GRIN2B: variants seen among roughly 807,000 people sequenced by gnomAD.
The protein encoded by GRIN2B is glutamate receptor ionotropic, NMDA 2B.
Under a neutral mutation model 114.5 loss-of-function variants are expected in GRIN2B, and 5 were observed. That is an observed-to-expected ratio of 0.04 (90% CI 0.02 to 0.09). GRIN2B has a LOEUF of 0.09. Ranked by LOEUF, GRIN2B falls within the 10% of genes least tolerant of loss-of-function variation. The pLI is 1.00. For missense variants in GRIN2B, 1,108 were observed against 1,943.5 expected (o/e 0.57, Z 8.08); for synonymous variants, 787 against 745.1 (o/e 1.06, Z -0.92).
intron 2 of GRIN2B, among the ~76,000 whole-genome samples, chr12:13,899,686 C>T (rs1866411229): frequency 6.9e-6 from 1 of 144,068 alleles, no homozygotes; most frequent in Non-Finnish European, 1.6e-5. Flanking sequence ...CTATCCACTT[C>T]CTGTTAGCTA....
intron 3 of GRIN2B, among the ~76,000 whole-genome samples, chr12:13,778,641 A>G (rs1864049814): frequency 6.6e-6 from 1 of 152,224 alleles, no homozygotes; most frequent in Non-Finnish European, 1.5e-5. Flanking sequence ...ATGAGTGCTT[A>G]CCAGCTAAAC....
intron 2 of GRIN2B, among the ~76,000 whole-genome samples, chr12:13,902,763 A>G (rs1393991356): frequency 2.0e-5 from 3 of 152,150 alleles, no homozygotes; most frequent in African/African-American, 7.2e-5. Context: ...GTGAGCTGAG[A>G]TCAGCCATTG....
At chr12:13,842,410 C>T (rs1055226352) in intron 3 of GRIN2B, among the ~76,000 whole-genome samples, 10 of 152,150 alleles carry the variant, frequency 6.6e-5, no homozygotes, top group East Asian at 1.9e-4. Flanking sequence ...AGCTCACTGC[C>T]GCAAACTTTT....
At chr12:13,595,250 C>T (rs938315115) in intron 10 of GRIN2B, among the ~76,000 whole-genome samples, 1 of 152,130 alleles carries the variant, frequency 6.6e-6, no homozygotes, top group African/African-American at 2.4e-5. Context: ...GATGTGAGGT[C>T]TTAGTGTCCA....
At chr12:13,719,697 T>C (rs747100057) in intron 4 of GRIN2B, among the ~76,000 whole-genome samples, 8 of 152,226 alleles carry the variant, frequency 5.3e-5, no homozygotes, top group South Asian at 2.1e-4. Flanking sequence ...CATCTTTACA[T>C]TGAGTCTGTT....
intron 3 of GRIN2B, among the ~76,000 whole-genome samples, chr12:13,803,723 G>C (rs925537899): frequency 3.9e-5 from 6 of 152,102 alleles, no homozygotes; most frequent in Non-Finnish European, 7.4e-5. Flanking sequence ...TGAACACACA[G>C]CAAAATACCC....
rs1424575822 is a variant in GRIN2B, at chr12:13,608,515, T to A, written c.2010+88A>T. ...AGAAAGAACGGTCAATTCCAAAAAT[T>A]TAGAAGACAAGCAGGTACATGAGAA... On this transcript the variant is annotated intron_variant, in intron 10 of 13. Transcript: ENST00000609686. 18 of 960,370 alleles carry A rather than the reference T, an allele frequency of 1.9e-5. No homozygotes were observed. In the East Asian group the frequency reaches 4.6e-4, roughly 24 times the overall value. The allele number at this position is 960,370 out of a possible 1,614,324, so 59.5% of individuals were successfully genotyped here.
chr12:13,689,567 G>C (rs184768174), intron 4 of GRIN2B, among the ~76,000 whole-genome samples: 182 of 152,070 alleles, frequency 1.2e-3, no homozygotes, highest in African/African-American at 4.1e-3. Context: ...CCAGATACTT[G>C]CAACAGCCTC....
At chr12:13,919,310 C>T (rs1866785493) in intron 2 of GRIN2B, among the ~76,000 whole-genome samples, 1 of 152,020 alleles carries the variant, frequency 6.6e-6, no homozygotes, top group Non-Finnish European at 1.5e-5. Context: ...CGTAAAAAGC[C>T]AAAAAAGTCA....
chr12:13,718,295 C>T lies in GRIN2B; in HGVS notation c.1010+35022G>A, dbSNP rs538904062. Among the ~76,000 whole-genome samples the T allele has an allele frequency of 9.9e-4, 150 of 152,184 alleles. 1 individual carries two copies. Among genetic ancestry groups the T allele is most frequent in the African/African-American group, 3.2e-3 (133 of 41,562 alleles). ...ACATGCTGCTCCTCTTCCTCCTTTTCCCTCCTTCAAGGTGAGGAGACAAAG... is the reference window on the plus strand; with the variant it reads ...ACATGCTGCTCCTCTTCCTCCTTTTTCCTCCTTCAAGGTGAGGAGACAAAG... On this transcript the variant is annotated intron_variant, in intron 4 of 13. Coordinates refer to ENST00000609686, the MANE Select transcript of GRIN2B (RefSeq NM_000834.5).
intron 2 of GRIN2B, among the ~76,000 whole-genome samples, chr12:13,884,243 G>C (rs1866115894): frequency 1.4e-5 from 2 of 143,592 alleles, no homozygotes; most frequent in Non-Finnish European, 3.1e-5. Flanking sequence ...TTTAGAATCA[G>C]CTGTTAATTC....
chr12:13,709,760 T>C (rs1950397006), intron 4 of GRIN2B, among the ~76,000 whole-genome samples: 1 of 152,034 alleles, frequency 6.6e-6, no homozygotes, highest in Non-Finnish European at 1.5e-5. Flanking sequence ...CCCTTTTCAT[T>C]CTTCCAGCTG....
intron 3 of GRIN2B, among the ~76,000 whole-genome samples, chr12:13,816,163 C>T (rs1864819462): frequency 6.6e-6 from 1 of 152,112 alleles, no homozygotes; most frequent in African/African-American, 2.4e-5. Flanking sequence ...CCCTACGTGG[C>T]TAGATATTAG....
intron 10 of GRIN2B, among the ~76,000 whole-genome samples, chr12:13,582,928 G>T (rs1455272557): frequency 1.3e-5 from 2 of 152,146 alleles, no homozygotes; most frequent in African/African-American, 4.8e-5. Flanking sequence ...TATAAAATTT[G>T]GATACATAAG....
At chr12:13,617,005 C>A (rs1388152522) in intron 5 of GRIN2B, among the ~76,000 whole-genome samples, 2 of 152,186 alleles carry the variant, frequency 1.3e-5, no homozygotes, top group African/African-American at 4.8e-5. Flanking sequence ...AAATATCTTG[C>A]AGCGCTGTGT....
At chr12:13,868,413 A>G (rs2136750353) in intron 2 of GRIN2B, among the ~76,000 whole-genome samples, 1 of 152,098 alleles carries the variant, frequency 6.6e-6, no homozygotes, top group East Asian at 1.9e-4. Flanking sequence ...TATTCAGAGG[A>G]AGACAGAAGG....
intron 3 of GRIN2B, among the ~76,000 whole-genome samples, chr12:13,827,677 C>T (rs1865069837): frequency 7.3e-6 from 1 of 137,032 alleles, no homozygotes; most frequent in Non-Finnish European, 1.5e-5. Context: ...ATTTATAACA[C>T]GTCTTTCTTT....
At chr12:13,692,610 G>C (rs1950223824) in intron 4 of GRIN2B, among the ~76,000 whole-genome samples, 1 of 151,842 alleles carries the variant, frequency 6.6e-6, no homozygotes, top group South Asian at 2.1e-4. Context: ...GTATGGGTGT[G>C]TGTGAATGTG....
intron 5 of GRIN2B, among the ~76,000 whole-genome samples, chr12:13,671,498 G>A (rs887790067): frequency 6.6e-6 from 1 of 152,122 alleles, no homozygotes; most frequent in Non-Finnish European, 1.5e-5. Flanking sequence ...GTATCACATG[G>A]TTCACACCAA....
Sources: allele counts gnomAD v4.1 joint callset (sites outside exome capture counted in the v4.1 genomes callset), GRCh38; gene constraint gnomAD v4.1.1; transcripts MANE v1.5; gene names NCBI Gene and HGNC (gene_info 2026-07-23, HGNC 2026-07-21).